The following CCDC57 variants were observed in gnomAD, a reference collection of about 807,000 sequenced individuals.
CCDC57 encodes the protein coiled-coil domain containing 57.
A neutral mutation model predicts 118.9 loss-of-function variants in CCDC57; 118 were observed. The ratio of observed to expected loss-of-function variants is 0.99; its 90% CI spans 0.86 to 1.16. CCDC57 has a LOEUF of 1.16. Among genes scored for constraint, CCDC57 ranks in the 50% most tolerant of loss-of-function variants. The pLI, the probability that CCDC57 is intolerant of heterozygous loss-of-function variation, is 0.00. For missense variants in CCDC57, 1,300 were observed against 1,320.7 expected, an observed-to-expected ratio of 0.98 and a Z score of 0.24; for synonymous variants, 527 against 532.9, an observed-to-expected ratio of 0.99 and a Z score of 0.15.
intron 19 of CCDC57, among the ~76,000 whole-genome samples, chr17:82,121,046 C>G (rs146734830): frequency 6.6e-6 from 1 of 152,100 alleles, no homozygotes; most frequent in South Asian, 2.1e-4. Flanking sequence ...TGAGCTACCG[C>G]GCCCGGCCTC....
rs367590033 is a variant in CCDC57, at chr17:82,195,273, C to T, written c.608G>A (p.Arg203Gln). Residue 203 changes from arginine (R) to glutamine (Q), a missense_variant, in exon 5 of 20, where the codon CGG (arginine) becomes CAG (glutamine). Physicochemically the swap from Arg to Gln is conservative, Grantham distance 43. Transcript: ENST00000665763. ...GGTGCCCCCAGTTACCTTAAGCTCCCGGGACAAGGCTGTGTTGCTCATGTT... is the reference window on the plus strand; with the variant it reads ...GGTGCCCCCAGTTACCTTAAGCTCCTGGGACAAGGCTGTGTTGCTCATGTT... 3.5e-5 allele frequency: 55 copies of T among 1,593,308 alleles called. No individual in the cohort carries two copies. Among genetic ancestry groups the T allele is most frequent in the African/African-American group, 9.4e-5 (7 of 74,390 alleles).
chr17:82,115,127 C>T (rs944386123), intron 19 of CCDC57, among the ~76,000 whole-genome samples: 5 of 152,232 alleles, frequency 3.3e-5, no homozygotes, highest in African/African-American at 1.2e-4. Context: ...ATTCCACCAG[C>T]TGGGGCTGTG....
At chr17:82,193,672 TG>T in intron 7 of CCDC57, 83 bp downstream of exon 6, 2 of 1,263,018 alleles carry the variant, frequency 1.6e-6, no homozygotes, top group Non-Finnish European at 1.1e-6. Flanking sequence ...CTCTGCTCCC[TG>T]GGCCATCAGC....
chr17:82,169,409 G>A (rs893701022), intron 13 of CCDC57, among the ~76,000 whole-genome samples: 10 of 152,306 alleles, frequency 6.6e-5, no homozygotes, highest in African/African-American at 2.2e-4. Context: ...GATTACAGGC[G>A]TGAGCCACTG....
At chr17:82,195,536 T>C (rs1392724588) in intron 4 of CCDC57, among the ~76,000 whole-genome samples, 172 bp from the exon 4 acceptor site, 2 of 151,244 alleles carry the variant, frequency 1.3e-5, no homozygotes, top group Admixed American at 6.6e-5. Flanking sequence ...AACAGCACTC[T>C]GGGAGGCCGA....
chr17:82,137,455 TTG>T (rs2039373948), intron 16 of CCDC57, among the ~76,000 whole-genome samples: 4 of 152,262 alleles, frequency 2.6e-5, no homozygotes. Flanking sequence ...TTATTATGTC[TTG>T]ATGGTTTCAG....
At chr17:82,166,578 T>A (rs6502079) in intron 13 of CCDC57, among the ~76,000 whole-genome samples, 71,078 of 151,866 alleles carry the variant, frequency 0.47, 17,427 homozygotes, top group East Asian at 0.88. Context: ...ACTCTAAAAC[T>A]TATGGCAAAA....
At chr17:82,138,111 G>A (rs1361261447) in intron 16 of CCDC57, among the ~76,000 whole-genome samples, 3 of 150,502 alleles carry the variant, frequency 2.0e-5, no homozygotes, top group African/African-American at 4.9e-5. Context: ...TGCGCTTGTG[G>A]TCCCAGCTAC....
intron 16 of CCDC57, among the ~76,000 whole-genome samples, chr17:82,147,109 G>A (rs1055577760): frequency 1.3e-4 from 20 of 152,194 alleles, no homozygotes; most frequent in African/African-American, 4.8e-4. Flanking sequence ...TGGATGGTAG[G>A]TGGATGAGTG....
chr17:82,199,477 C>CAAAAAAAAAAAAAAAAAAAA (rs55713414), intron 3 of CCDC57, among the ~76,000 whole-genome samples: 6 of 87,680 alleles, frequency 6.8e-5, no homozygotes, highest in African/African-American at 8.9e-5. Flanking sequence ...GACTCTGTCT[C>CAAAAAAAAAAAAAAAAAAAA]AAAAAAAAAA....
intron 15 of CCDC57, chr17:82,154,611 T>C (rs1338503138): frequency 7.1e-6 from 1 of 141,670 alleles, no homozygotes; most frequent in African/African-American, 2.7e-5. Context: ...GTCTCTCCTG[T>C]GCAGGGTCCA....
At chr17:82,157,585 AG>A (rs1161173148) in intron 15 of CCDC57, 162 bp downstream of exon 14, 4 of 1,435,580 alleles carry the variant, frequency 2.8e-6, no homozygotes, top group Non-Finnish European at 3.6e-6. Context: ...GAATGGGGAG[AG>A]GGGGTGGAGC....
intron 14 of CCDC57, among the ~76,000 whole-genome samples, chr17:82,159,027 G>T (rs758281610): frequency 1.3e-5 from 2 of 152,154 alleles, no homozygotes; most frequent in African/African-American, 2.4e-5. Context: ...CACCATGCTT[G>T]GCTAATTATT....
At chr17:82,143,295 A>T (rs1382182640) in intron 16 of CCDC57, among the ~76,000 whole-genome samples, 3 of 152,232 alleles carry the variant, frequency 2.0e-5, no homozygotes, top group South Asian at 4.1e-4. Context: ...AAGAAAGAAT[A>T]AAAATAAATG....
intron 19 of CCDC57, among the ~76,000 whole-genome samples, chr17:82,105,432 G>T (rs767014666): frequency 1.1e-4 from 16 of 152,280 alleles, no homozygotes; most frequent in South Asian, 4.1e-4. Flanking sequence ...ACGGCACCCA[G>T]GCCTTTAGTG....
chr17:82,115,158 A>G (rs1598642622), intron 19 of CCDC57, among the ~76,000 whole-genome samples: 1 of 152,252 alleles, frequency 6.6e-6, no homozygotes, highest in East Asian at 1.9e-4. Context: ...CTTGGCCTTC[A>G]TCTGAGCAAA....
At chr17:82,112,536 C>T (rs950801095) in intron 19 of CCDC57, 3 of 152,310 alleles carry the variant, frequency 2.0e-5, no homozygotes, top group African/African-American at 7.2e-5. Flanking sequence ...GGCTGGTCCT[C>T]AGTACAGACT....
At chr17:82,189,389 A>G (rs2047376815) in intron 7 of CCDC57, among the ~76,000 whole-genome samples, 1 of 152,240 alleles carries the variant, frequency 6.6e-6, no homozygotes, top group Admixed American at 6.5e-5. Flanking sequence ...AGGTATATGT[A>G]ATGTTATGTA....
intron 2 of CCDC57, among the ~76,000 whole-genome samples, chr17:82,204,119 C>T (rs1483090117): frequency 6.6e-6 from 1 of 152,118 alleles, no homozygotes; most frequent in African/African-American, 2.4e-5. Context: ...TCTGACGAGG[C>T]TCTGGAGCAA....
Sources: gnomAD v4.1 joint callset for allele counts (sites outside exome capture counted in the v4.1 genomes callset) on GRCh38, gnomAD v4.1.1 for gene constraint, MANE v1.5 for transcripts, NCBI Gene and HGNC (gene_info 2026-07-23, HGNC 2026-07-21) for gene names.